The following ATRNL1 variants were observed in gnomAD, a reference collection of about 807,000 sequenced individuals.
The protein encoded by ATRNL1 is attractin-like protein 1.
In ATRNL1, 95 loss-of-function variants were observed where a neutral mutation model predicts 182.7. That is an observed-to-expected ratio of 0.52 (90% CI 0.44 to 0.62). The LOEUF (loss-of-function observed/expected upper bound fraction) is 0.62. Among genes scored for constraint, ATRNL1 ranks in the 20% least tolerant of loss-of-function variants. ATRNL1 has a pLI of 0.00. For synonymous variants in ATRNL1, 576 were observed against 568.3 expected (o/e 1.01, Z -0.19); for missense variants, 1,471 against 1,679.5 (o/e 0.88, Z 2.17).
At chr10:115,913,100 G>A (rs1290925141) in intron 28 of ATRNL1, among the ~76,000 whole-genome samples, 1 of 152,226 alleles carries the variant, frequency 6.6e-6, no homozygotes, top group Non-Finnish European at 1.5e-5. Context: ...AAAACTATTA[G>A]TGGGATGGAT....
chr10:115,534,942 C>G (rs1228493910), intron 25 of ATRNL1, among the ~76,000 whole-genome samples: 3 of 152,188 alleles, frequency 2.0e-5, no homozygotes, highest in Non-Finnish European at 4.4e-5. Flanking sequence ...GGCCCCCACT[C>G]TATTCTGGCT....
At chr10:115,868,549 C>CA (rs1392267186) in intron 28 of ATRNL1, among the ~76,000 whole-genome samples, 1 of 152,174 alleles carries the variant, frequency 6.6e-6, no homozygotes, top group Non-Finnish European at 1.5e-5. Context: ...ACCGTCAATG[C>CA]TTCACTGAAT....
chr10:115,554,459 C>A (rs576952509), intron 26 of ATRNL1, among the ~76,000 whole-genome samples: 1 of 151,634 alleles, frequency 6.6e-6, no homozygotes, highest in East Asian at 1.9e-4. Flanking sequence ...CCAAAGACTT[C>A]ATGGTAAATA....
At chr10:115,326,743 T>C (rs1436114026) in intron 18 of ATRNL1, among the ~76,000 whole-genome samples, 1 of 151,660 alleles carries the variant, frequency 6.6e-6, no homozygotes, top group Non-Finnish European at 1.5e-5. Context: ...GAGATATAGA[T>C]CAATGGAACA....
At chr10:115,649,436 T>C (rs1228657705) in intron 26 of ATRNL1, among the ~76,000 whole-genome samples, 1 of 152,118 alleles carries the variant, frequency 6.6e-6, no homozygotes, top group Non-Finnish European at 1.5e-5. Context: ...GGTTGTTTGA[T>C]TGTTGAAGAA....
chr10:115,588,176 G>C (rs1258740589), intron 26 of ATRNL1, among the ~76,000 whole-genome samples: 2 of 152,194 alleles, frequency 1.3e-5, no homozygotes, highest in East Asian at 1.9e-4. Flanking sequence ...CATCAGTTTG[G>C]CTCTCCGGAA....
At chr10:115,862,851 AATACACTG>A (rs1555103796) in intron 28 of ATRNL1, among the ~76,000 whole-genome samples, 251 of 152,360 alleles carry the variant, frequency 1.6e-3, no homozygotes, top group African/African-American at 5.9e-3. Flanking sequence ...GCATAAATGG[AATACACTG>A]TACCTGTAAG....
At chr10:115,395,125 G>A (rs111325525) in intron 20 of ATRNL1, among the ~76,000 whole-genome samples, 1,705 of 151,884 alleles carry the variant, frequency 0.011, 13 homozygotes, top group South Asian at 0.033. Context: ...GTGGCATTTG[G>A]ATTTCTGTTC....
At chr10:115,936,485 A>C (rs2253786) in intron 28 of ATRNL1, among the ~76,000 whole-genome samples, 148,385 of 152,284 alleles carry the variant, frequency 0.97, 72,439 homozygotes, top group East Asian at 1. Flanking sequence ...TTTTTTAATT[A>C]TCAAGGCTTT....
chr10:115,895,620 G>A (rs1257951802), intron 28 of ATRNL1, among the ~76,000 whole-genome samples: 2 of 152,184 alleles, frequency 1.3e-5, no homozygotes, highest in Admixed American at 1.3e-4. Flanking sequence ...AACATCCACT[G>A]AATACCGGAC....
At chr10:115,103,040 GTT>G (rs33951113) in intron 1 of ATRNL1, among the ~76,000 whole-genome samples, 24 of 130,316 alleles carry the variant, frequency 1.8e-4, no homozygotes, top group South Asian at 7.4e-4. Context: ...TATTTTTAGT[GTT>G]TTTTTTTTTT....
chr10:115,817,878 T>G (rs1245662836), intron 27 of ATRNL1, among the ~76,000 whole-genome samples: 1 of 480 alleles, frequency 2.1e-3, no homozygotes, highest in Non-Finnish European at 6.3e-3. Context: ...TTACGTTGTG[T>G]TTTTTTTTTT....
chr10:115,224,752 G>A (rs1266816552), intron 9 of ATRNL1, among the ~76,000 whole-genome samples: 3 of 152,036 alleles, frequency 2.0e-5, no homozygotes, highest in African/African-American at 7.2e-5. Flanking sequence ...CAAATTTCTA[G>A]AAAAACAAAA....
chr10:115,903,816 AAG>A (rs1589670276), intron 28 of ATRNL1, among the ~76,000 whole-genome samples: 1 of 125,798 alleles, frequency 7.9e-6, no homozygotes, highest in Non-Finnish European at 1.9e-5. Context: ...GCTGGAGGAG[AAG>A]GAGAAGGCAG....
chr10:115,367,897 G>A (rs1463322781), intron 19 of ATRNL1, among the ~76,000 whole-genome samples: 20 of 149,732 alleles, frequency 1.3e-4, no homozygotes, highest in South Asian at 1.1e-3. Flanking sequence ...CCAGCTGCGT[G>A]CTGGGAGAAC....
intron 5 of ATRNL1, among the ~76,000 whole-genome samples, chr10:115,145,631 A>G (rs1447605941): frequency 3.3e-5 from 5 of 152,204 alleles, no homozygotes; most frequent in African/African-American, 1.2e-4. Flanking sequence ...TCAAATTTTT[A>G]AAATGGTGTT....
intron 24 of ATRNL1, among the ~76,000 whole-genome samples, chr10:115,500,920 CT>C (rs71010023): frequency 4.5e-3 from 247 of 54,428 alleles, no homozygotes; most frequent in African/African-American, 0.015. Context: ...TCAGGTAAGA[CT>C]TTTTTTTTTT....
At chr10:115,325,551 T>C (rs1854828174) in intron 18 of ATRNL1, among the ~76,000 whole-genome samples, 1 of 152,208 alleles carries the variant, frequency 6.6e-6, no homozygotes, top group Non-Finnish European at 1.5e-5. Context: ...GTCTAAAGTA[T>C]ACTGGCTTTC....
Position 115,689,893 on chromosome 10 carries a change from A to G in ATRNL1, c.3796-37355A>G, listed in dbSNP as rs150017007. On this transcript the variant is annotated intron_variant, in intron 26 of 28. Transcript: ENST00000355044. ...ACAGTTGTCATTCATAGCCCCACAC[A>G]GGTAGCCTCTGTTCATGCACCTCAG... Among the ~76,000 whole-genome samples, 35 of 152,290 alleles carry G rather than the reference A, an allele frequency of 2.3e-4. No individual in the cohort carries two copies. The East Asian group carries it at 6.8e-3, about 29-fold the overall frequency.
Sources: gnomAD v4.1 joint callset for allele counts (sites outside exome capture counted in the v4.1 genomes callset) on GRCh38, gnomAD v4.1.1 for gene constraint, MANE v1.5 for transcripts, NCBI Gene and HGNC (gene_info 2026-07-23, HGNC 2026-07-21) for gene names.